Variants in AGTR1 observed in about 807,000 individuals in gnomAD.
The protein encoded by AGTR1 is type-1 angiotensin II receptor.
In AGTR1, 16 loss-of-function variants were observed where a neutral mutation model predicts 19.4. The observed-to-expected ratio is 0.82, with a 90% CI of 0.56 to 1.25. The LOEUF (loss-of-function observed/expected upper bound fraction) is 1.25. AGTR1 is among the 50% of genes most tolerant of loss of function. The pLI is 0.00. For missense variants in AGTR1, 373 were observed against 431.9 expected (o/e 0.86, Z 1.21); for synonymous variants, 153 against 154.9 (o/e 0.99, Z 0.09).
intron 1 of AGTR1, among the ~76,000 whole-genome samples, chr3:148,703,560 C>T (rs1712477513): frequency 6.6e-6 from 1 of 152,122 alleles, no homozygotes; most frequent in Non-Finnish European, 1.5e-5. Context: ...ATTTAATCCT[C>T]ACAACAACCC....
chr3:148,713,035 T>A (rs1471024441), intron 2 of AGTR1, among the ~76,000 whole-genome samples: 4 of 151,850 alleles, frequency 2.6e-5, no homozygotes, highest in Admixed American at 2.6e-4. Flanking sequence ...TCTGAAAGAG[T>A]GAGAAATACA....
At chr3:148,725,872 A>G (rs1190718929) in intron 2 of AGTR1, among the ~76,000 whole-genome samples, 1 of 152,228 alleles carries the variant, frequency 6.6e-6, no homozygotes, top group Non-Finnish European at 1.5e-5. Context: ...CATTAATTAA[A>G]TTAATATTCC....
At chr3:148,721,808 C>A (rs1713653581) in intron 2 of AGTR1, among the ~76,000 whole-genome samples, 1 of 152,168 alleles carries the variant, frequency 6.6e-6, no homozygotes, top group South Asian at 2.1e-4. Context: ...GGCAAATAAT[C>A]ACCCAAACGT....
chr3:148,740,016 T>C, intron 2 of AGTR1: 1 of 1,204,162 alleles, frequency 8.3e-7, no homozygotes, highest in Non-Finnish European at 1.0e-6. Flanking sequence ...TGGACTGTTA[T>C]CCAGGGCAGA....
chr3:148,730,743 G>C (rs144685275), intron 2 of AGTR1, among the ~76,000 whole-genome samples: 1,763 of 152,264 alleles, frequency 0.012, 15 homozygotes, highest in South Asian at 0.021. Context: ...CACCCACAGA[G>C]TTTCTGATTC....
intron 2 of AGTR1, among the ~76,000 whole-genome samples, chr3:148,730,750 AT>A (rs1351183644): frequency 6.6e-6 from 1 of 152,162 alleles, no homozygotes; most frequent in Non-Finnish European, 1.5e-5. Context: ...AGAGTTTCTG[AT>A]TCAGTAGGTC....
intron 1 of AGTR1, among the ~76,000 whole-genome samples, chr3:148,702,514 T>G (rs1358301359): frequency 6.6e-6 from 1 of 152,170 alleles, no homozygotes; most frequent in Non-Finnish European, 1.5e-5. Context: ...CGTAGAGAGA[T>G]AGTAGTCAAG....
intron 2 of AGTR1, chr3:148,731,507 G>A (rs1005287806): frequency 6.6e-6 from 1 of 152,146 alleles, no homozygotes; most frequent in Non-Finnish European, 1.5e-5. Flanking sequence ...TATTTTGAAA[G>A]TCTGAGCTTT....
intron 2 of AGTR1, among the ~76,000 whole-genome samples, chr3:148,727,206 T>C (rs12721331): frequency 0.051 from 7,809 of 152,322 alleles, 237 homozygotes; most frequent in Middle Eastern, 0.085. Flanking sequence ...TTCCAGAAAG[T>C]AACATTTGTA....
intron 2 of AGTR1, among the ~76,000 whole-genome samples, chr3:148,731,719 C>T (rs544174823): frequency 1.2e-4 from 18 of 152,226 alleles, no homozygotes; most frequent in African/African-American, 4.1e-4. Flanking sequence ...ATTGTGTTGC[C>T]GGTTACTGGC....
At chr3:148,720,762 A>T (rs1210757726) in intron 2 of AGTR1, among the ~76,000 whole-genome samples, 2 of 152,216 alleles carry the variant, frequency 1.3e-5, no homozygotes, top group Non-Finnish European at 2.9e-5. Context: ...CAGAAGAAAG[A>T]TATCTTTGCA....
At chr3:148,708,347 G>T (rs546630405) in intron 2 of AGTR1, among the ~76,000 whole-genome samples, 1 of 152,236 alleles carries the variant, frequency 6.6e-6, no homozygotes, top group Non-Finnish European at 1.5e-5. Flanking sequence ...TGTTCTTCCT[G>T]TATAGGGCTT....
chr3:148,714,558 A>G (rs1051255554), intron 2 of AGTR1, among the ~76,000 whole-genome samples: 2 of 152,174 alleles, frequency 1.3e-5, no homozygotes, highest in African/African-American at 2.4e-5. Context: ...GACAGGAACT[A>G]GAGACATATT....
intron 1 of AGTR1, among the ~76,000 whole-genome samples, chr3:148,703,421 G>A (rs2107925642): frequency 6.6e-6 from 1 of 152,308 alleles, no homozygotes; most frequent in African/African-American, 2.4e-5. Context: ...TACCGTACCT[G>A]TGGCTTGTTT....
Position 148,741,411 on chromosome 3 carries a change from C to T in AGTR1, c.376C>T (p.Arg126Ter), listed in dbSNP as rs397514687. Residue 126 changes from arginine to a stop codon, truncating the protein, a stop_gained, in exon 3 of 3, where the codon CGA (arginine) becomes TGA (stop). Transcript: ENST00000349243. LOFTEE classifies it high-confidence loss of function. ...TCTACTCACGTGTCTCAGCATTGAT[C>T]GATACCTGGCTATTGTTCACCCAAT... is the stretch of plus-strand genomic sequence containing the variant. ...VFLLTCLSID[R>*]YLAIVHPMKS... The T allele has an allele frequency of 1.5e-5, 24 of 1,604,032 alleles. No homozygotes were observed. Among genetic ancestry groups the T allele is most frequent in the South Asian group, 6.6e-5 (6 of 91,032 alleles).
At chr3:148,703,303 A>G (rs181135285) in intron 1 of AGTR1, among the ~76,000 whole-genome samples, 1 of 152,178 alleles carries the variant, frequency 6.6e-6, no homozygotes, top group Non-Finnish European at 1.5e-5. Flanking sequence ...GTTTGTTGGA[A>G]CTGCAGAATC....
At chr3:148,726,358 G>A (rs368671792) in intron 2 of AGTR1, among the ~76,000 whole-genome samples, 1 of 152,144 alleles carries the variant, frequency 6.6e-6, no homozygotes, top group Non-Finnish European at 1.5e-5. Context: ...ACAGGTGCAT[G>A]CCACCATGCC....
chr3:148,712,876 A>G (rs1713075911), intron 2 of AGTR1, among the ~76,000 whole-genome samples: 1 of 152,180 alleles, frequency 6.6e-6, no homozygotes, highest in Non-Finnish European at 1.5e-5. Context: ...TGACTAAACA[A>G]AGAAGGAGCG....
chr3:148,704,220 A>G (rs1712524662), intron 1 of AGTR1, among the ~76,000 whole-genome samples: 1 of 151,842 alleles, frequency 6.6e-6, no homozygotes, highest in Non-Finnish European at 1.5e-5. Flanking sequence ...ATGGTGGCGC[A>G]CACCATGTAG....
Sources: allele counts gnomAD v4.1 joint callset (sites outside exome capture counted in the v4.1 genomes callset), GRCh38; gene constraint gnomAD v4.1.1; transcripts MANE v1.5; gene names NCBI Gene and HGNC (gene_info 2026-07-23, HGNC 2026-07-21).